LPP: variants seen among roughly 807,000 people sequenced by gnomAD.
The protein encoded by LPP is LIM domain containing preferred translocation partner in lipoma, also known as lipoma-preferred partner.
In LPP, 38 loss-of-function variants were observed where a neutral mutation model predicts 60.4. That is an observed-to-expected ratio of 0.63 (90% CI 0.49 to 0.83). The LOEUF (loss-of-function observed/expected upper bound fraction) is 0.83. Ranked by LOEUF, LPP falls within the 40% of genes least tolerant of loss-of-function variation. The probability of loss-of-function intolerance (pLI) is 0.00; values close to 1 mark genes in which losing one functional copy is unlikely to be tolerated. For missense variants in LPP, 902 were observed against 783.6 expected (o/e 1.15, Z -1.80); for synonymous variants, 328 against 290.8 (o/e 1.13, Z -1.30).
intron 4 of LPP, among the ~76,000 whole-genome samples, chr3:188,452,124 T>C (rs933466905): frequency 3.9e-5 from 6 of 152,190 alleles, no homozygotes; most frequent in Non-Finnish European, 7.3e-5. Flanking sequence ...TACAGTTTGT[T>C]TGACACCCTC....
At position 188,673,898 on chromosome 3, in the gene LPP, T is replaced by C. The variant is rs1375553843; in HGVS notation, c.1114-34369T>C. On this transcript the variant is annotated intron_variant, in intron 7 of 11. Coordinates refer to ENST00000617246, the MANE Select transcript of LPP (RefSeq NM_001375462.1). ...TGTAATTTTTTTCTTTTTTGTTTTTTTTTTTTTCAAAGAAGATTGCATAAG... is the reference window on the plus strand; with the variant it reads ...TGTAATTTTTTTCTTTTTTGTTTTTCTTTTTTTCAAAGAAGATTGCATAAG... 2.3e-3 allele frequency among the ~76,000 whole-genome samples: 354 copies of C among 151,772 alleles called. 3 individuals carry two copies. Among genetic ancestry groups the C allele is most frequent in the African/African-American group, 8.1e-3 (337 of 41,496 alleles).
chr3:188,203,420 A>ATTATATAAATATAAATATATATATT, intron 1 of LPP, among the ~76,000 whole-genome samples: 1 of 92,482 alleles, frequency 1.1e-5, no homozygotes, highest in South Asian at 3.3e-4. Flanking sequence ...ATATATATAT[A>ATTATATAAATATAAATATATATATT]ATATAAATAT....
intron 2 of LPP, among the ~76,000 whole-genome samples, chr3:188,279,147 A>C (rs1423064177): frequency 6.6e-6 from 1 of 152,166 alleles, no homozygotes; most frequent in Non-Finnish European, 1.5e-5. Context: ...AAGTGGACTT[A>C]ACTTCAGCTC....
At chr3:188,410,755 A>G (rs1437311890) in intron 4 of LPP, among the ~76,000 whole-genome samples, 3 of 151,978 alleles carry the variant, frequency 2.0e-5, no homozygotes, top group African/African-American at 4.8e-5. Flanking sequence ...GATTTTTTTT[A>G]GTTCAATAGC....
At chr3:188,537,128 T>TA (rs1823847119) in intron 6 of LPP, among the ~76,000 whole-genome samples, 2 of 152,324 alleles carry the variant, frequency 1.3e-5, no homozygotes, top group African/African-American at 4.8e-5. Context: ...CTAGCATAGC[T>TA]AAAATTATGA....
intron 9 of LPP, among the ~76,000 whole-genome samples, chr3:188,809,041 C>G (rs1411737632): frequency 6.6e-6 from 1 of 152,158 alleles, no homozygotes; most frequent in Non-Finnish European, 1.5e-5. Context: ...CATAGTATTC[C>G]ATGGTGTACA....
intron 9 of LPP, among the ~76,000 whole-genome samples, chr3:188,830,625 C>T (rs1439555998): frequency 6.6e-6 from 1 of 151,436 alleles, no homozygotes; most frequent in Non-Finnish European, 1.5e-5. Flanking sequence ...AAAAAAAATG[C>T]TTCCCCACAC....
At position 188,373,989 on chromosome 3, in the gene LPP, G is replaced by C. The variant is rs576285629; in HGVS notation, c.-9-32123G>C. Among the ~76,000 whole-genome samples, 622 of 152,138 alleles carry C rather than the reference G, an allele frequency of 4.1e-3. 10 individuals are homozygous for C. Among genetic ancestry groups the C allele is most frequent in the African/African-American group, 0.014 (590 of 41,480 alleles). On this transcript the variant is annotated intron_variant, in intron 3 of 11. Transcript: ENST00000617246. ...AATCCTTTCCCCATTATTTGTTTTT[G>C]TCAGGTTTGTCAAAGATCAGATAGT...
rs1255987962 is a variant in LPP, at chr3:188,466,804, AACATATATATATATAT to A, written c.194-17786_194-17771del. On this transcript the variant is annotated intron_variant, in intron 4 of 11. Coordinates refer to ENST00000617246, the MANE Select transcript of LPP (RefSeq NM_001375462.1). The stretch of plus-strand genomic sequence containing the variant: ...AAAAAAGTGGTTTCTGTCATCTCAG[AACATATATATATATAT>A]ATATATATATATATATATATATGCT... Among the ~76,000 whole-genome samples the A allele has an allele frequency of 8.1e-4, 59 of 72,954 alleles. 4 individuals are homozygous for A. The highest frequency in any genetic ancestry group is 1.1e-3 in the South Asian group (2 of 1,860). The allele number at this position is 72,954 out of a possible 152,430, so 47.9% of individuals were successfully genotyped here.
intron 3 of LPP, among the ~76,000 whole-genome samples, chr3:188,380,648 T>A (rs1349207004): frequency 2.0e-5 from 3 of 152,218 alleles, no homozygotes; most frequent in Non-Finnish European, 4.4e-5. Context: ...ATTTTTGAGA[T>A]TACATGGTTC....
intron 5 of LPP, among the ~76,000 whole-genome samples, chr3:188,519,334 AG>A (rs1197735572): frequency 6.6e-5 from 10 of 152,224 alleles, no homozygotes; most frequent in African/African-American, 2.4e-4. Context: ...ATCTGAATCC[AG>A]TCATCAAGAA....
At chr3:188,433,792 A>G (rs923806164) in intron 4 of LPP, among the ~76,000 whole-genome samples, 2 of 152,130 alleles carry the variant, frequency 1.3e-5, no homozygotes, top group African/African-American at 4.8e-5. Flanking sequence ...GGAAAAAAGC[A>G]GAAAGAAGTA....
chr3:188,177,520 A>G (rs1197049926), intron 1 of LPP, among the ~76,000 whole-genome samples: 1 of 152,122 alleles, frequency 6.6e-6, no homozygotes, highest in Non-Finnish European at 1.5e-5. Flanking sequence ...TCAGAAAAGT[A>G]CTGGATGTGA....
intron 4 of LPP, among the ~76,000 whole-genome samples, chr3:188,470,120 G>A (rs772257039): frequency 1.3e-5 from 2 of 152,002 alleles, no homozygotes; most frequent in Non-Finnish European, 2.9e-5. Flanking sequence ...ATGGTTCCAA[G>A]TGGACAAAAA....
chr3:188,429,140 A>G (rs1790261933), intron 4 of LPP, among the ~76,000 whole-genome samples: 1 of 152,178 alleles, frequency 6.6e-6, no homozygotes, highest in Admixed American at 6.6e-5. Context: ...ACAATGTGTA[A>G]CGTATGGTTA....
At chr3:188,600,757 A>G (rs1840987309) in intron 6 of LPP, among the ~76,000 whole-genome samples, 1 of 152,076 alleles carries the variant, frequency 6.6e-6, no homozygotes, top group Non-Finnish European at 1.5e-5. Context: ...TTCTAGCTTT[A>G]TAAATTTGAC....
intron 7 of LPP, among the ~76,000 whole-genome samples, chr3:188,684,110 A>G (rs1260082270): frequency 6.6e-6 from 1 of 152,236 alleles, no homozygotes. Context: ...AAATGACATA[A>G]CCATTCTTAC....
chr3:188,766,058 G>T (rs57747921), intron 9 of LPP, among the ~76,000 whole-genome samples: 1 of 151,200 alleles, frequency 6.6e-6, no homozygotes, highest in Non-Finnish European at 1.5e-5. Flanking sequence ...TTTTCATAGA[G>T]ACGGGGTTTA....
intron 5 of LPP, among the ~76,000 whole-genome samples, chr3:188,503,780 T>G (rs930293428): frequency 6.6e-6 from 1 of 152,188 alleles, no homozygotes; most frequent in African/African-American, 2.4e-5. Flanking sequence ...TTCTGGCATC[T>G]AAGGCTGCTG....
Sources: gnomAD v4.1 joint callset for allele counts (sites outside exome capture counted in the v4.1 genomes callset) on GRCh38, gnomAD v4.1.1 for gene constraint, MANE v1.5 for transcripts, NCBI Gene and HGNC (gene_info 2026-07-23, HGNC 2026-07-21) for gene names.